TPCN2: variants seen among roughly 807,000 people sequenced by gnomAD.
TPCN2 encodes two pore segment channel 2, also known as two pore channel protein 2.
In TPCN2, 92 loss-of-function variants were observed where a neutral mutation model predicts 111.4. The observed-to-expected ratio is 0.83, with a 90% CI of 0.70 to 0.98. The LOEUF (loss-of-function observed/expected upper bound fraction) is 0.98, where lower values mean the gene tolerates loss of function less well. TPCN2 is among the 50% of genes least tolerant of loss of function. The pLI is 0.00. For synonymous variants in TPCN2, 405 were observed against 414.5 expected, an observed-to-expected ratio of 0.98 and a Z score of 0.28; for missense variants, 995 against 980.1, an observed-to-expected ratio of 1.02 and a Z score of -0.20.
chr11:69,088,070 T>A lies in TPCN2; in HGVS notation c.*117T>A. The A allele has an allele frequency of 1.2e-6, 1 of 837,902 alleles. No individual in the cohort carries two copies. Among genetic ancestry groups the A allele is most frequent in the Non-Finnish European group, 1.8e-6 (1 of 546,718 alleles). The allele number at this position is 837,902 out of a possible 1,614,324, so 51.9% of individuals were successfully genotyped here. A position where few individuals can be genotyped will look rare whatever the true frequency, so the allele number is the denominator to read the frequency against. On this transcript the variant is annotated 3_prime_UTR_variant, in exon 25 of 25. Transcript: ENST00000294309. ...GCCAGGCAGGAAGAGACCTTTCCTCTGACGGACCACTAAGCTGGGGACAGG... is the reference window on the plus strand; with the variant it reads ...GCCAGGCAGGAAGAGACCTTTCCTCAGACGGACCACTAAGCTGGGGACAGG...
chr11:69,070,558 A>G, intron 9 of TPCN2, 63 bp downstream of exon 9: 4 of 1,296,206 alleles, frequency 3.1e-6, no homozygotes, highest in Non-Finnish European at 4.3e-6. Context: ...GGACCGATAC[A>G]CCCTGCTGCC....
intron 18 of TPCN2, among the ~76,000 whole-genome samples, chr11:69,082,213 G>A (rs758771924): frequency 2.6e-5 from 4 of 152,136 alleles, no homozygotes; most frequent in Admixed American, 6.5e-5. Context: ...ACACACACGC[G>A]CACACGTGTT....
At position 69,048,950 on chromosome 11, in the gene TPCN2, T is replaced by C. The variant is rs1861086307; in HGVS notation, c.-48T>C. 4 of 1,191,986 alleles carry C rather than the reference T, an allele frequency of 3.4e-6. No individual in the cohort carries two copies. Among genetic ancestry groups the C allele is most frequent in the Non-Finnish European group, 4.2e-6 (4 of 948,798 alleles). The allele number at this position is 1,191,986 out of a possible 1,614,324, so 73.8% of individuals were successfully genotyped here. A position where few individuals can be genotyped will look rare whatever the true frequency, so the allele number is the denominator to read the frequency against. On this transcript the variant is annotated 5_prime_UTR_variant, in exon 1 of 25. Transcript: ENST00000294309. The stretch of plus-strand genomic sequence containing the variant: ...CGCCTGCGCAGTGAAGCTGGGCGCC[T>C]TCGGGGCTTGAGCTTCTGAGGGTCG...
chr11:69,075,335 C>G (rs1306924775), intron 13 of TPCN2, among the ~76,000 whole-genome samples: 1 of 152,196 alleles, frequency 6.6e-6, no homozygotes, highest in African/African-American at 2.4e-5. Flanking sequence ...GTTTAAGTCT[C>G]TTAAGATGAT....
chr11:69,071,397 A>G lies in TPCN2; in HGVS notation c.937A>G (p.Ser313Gly). 6.2e-7 allele frequency: 1 copy of G among 1,613,846 alleles called. No individual in the cohort carries two copies. The highest frequency in any genetic ancestry group is 8.5e-7 in the Non-Finnish European group (1 of 1,179,916). The part of the protein sequence containing the change: ...LMNLLTAIIY[S>G]QFRGYLMKSL... ...GAACCTGCTGACAGCCATCATCTAC[A>G]GTCAGTTCCGGGGCTACCTGATGGT... The change falls in exon 10 of 25, where the codon AGT (serine) becomes GGT (glycine). Residue 313 changes from serine (S) to glycine (G), a missense_variant. Ser to Gly is a moderately conservative substitution (Grantham distance 56). Transcript: ENST00000294309.
chr11:69,074,809 G>T (rs1855684274), intron 13 of TPCN2, among the ~76,000 whole-genome samples: 2 of 152,224 alleles, frequency 1.3e-5, no homozygotes, highest in Non-Finnish European at 2.9e-5. Context: ...GTTCTGGAAA[G>T]GTGGTTTTTG....
intron 21 of TPCN2, 30 bp downstream of exon 21, chr11:69,085,782 G>T (rs1421549559): frequency 6.3e-7 from 1 of 1,593,322 alleles, no homozygotes; most frequent in Non-Finnish European, 8.6e-7. Flanking sequence ...CCAGCACCCT[G>T]CTCCCCGGGC....
intron 2 of TPCN2, chr11:69,054,513 G>T: frequency 1.7e-6 from 1 of 592,950 alleles, no homozygotes; most frequent in South Asian, 2.0e-5. Flanking sequence ...CCGGGTGTGT[G>T]GCCTGTGAGG....
At chr11:69,080,470 A>T (rs764837702) in intron 17 of TPCN2, among the ~76,000 whole-genome samples, 3 of 152,188 alleles carry the variant, frequency 2.0e-5, no homozygotes, top group Admixed American at 6.5e-5. Context: ...GCCTCGTGGC[A>T]CCACAGGGCT....
At chr11:69,065,457 G>C (rs774303676) in intron 7 of TPCN2, among the ~76,000 whole-genome samples, 1 of 152,194 alleles carries the variant, frequency 6.6e-6, no homozygotes, top group Non-Finnish European at 1.5e-5. Context: ...AGGGGACCTA[G>C]GGGAGCAAGG....
intron 13 of TPCN2, among the ~76,000 whole-genome samples, chr11:69,077,762 G>A (rs562791143): frequency 6.6e-6 from 1 of 152,326 alleles, no homozygotes; most frequent in South Asian, 2.1e-4. Context: ...TGGACTTTCT[G>A]GGGGGATGAG....
rs1221128389 is a variant in TPCN2, at chr11:69,078,612, A to T, written c.1350+11A>T. On this transcript the variant is annotated intron_variant, in intron 14 of 24. Transcript: ENST00000294309. ...CTGGTGTCCATTTGCGTGAGTGTGGATTTGCCCCAGAGCTGGCACGGAAGT... is the reference window on the plus strand; with the variant it reads ...CTGGTGTCCATTTGCGTGAGTGTGGTTTTGCCCCAGAGCTGGCACGGAAGT... The T allele has an allele frequency of 4.3e-6, 7 of 1,613,746 alleles. No homozygotes were observed. The highest frequency in any genetic ancestry group is 4.0e-5 in the African/African-American group (3 of 74,918).
intron 5 of TPCN2, among the ~76,000 whole-genome samples, chr11:69,062,475 G>T (rs572986121): frequency 1.3e-5 from 2 of 152,180 alleles, no homozygotes; most frequent in East Asian, 1.9e-4. Flanking sequence ...GCGGGTTGAG[G>T]GGTGAGGAGG....
At chr11:69,052,308 G>C (rs889499356) in intron 1 of TPCN2, among the ~76,000 whole-genome samples, 4 of 150,476 alleles carry the variant, frequency 2.7e-5, no homozygotes, top group African/African-American at 7.5e-5. Flanking sequence ...CAGATCACCG[G>C]CCCCCCAGGC....
rs1175102206 is a variant in TPCN2 at position 69,084,022 on chromosome 11, TCCCAGGC to T, written c.1761+7_1761+13del. On this transcript the variant is annotated splice_region_variant and intron_variant, in intron 19 of 24. Coordinates refer to ENST00000294309, the MANE Select transcript of TPCN2 (RefSeq NM_139075.4). ...CGTTTGGCGGGATCCTGGTGGTGAGTCCCAGGCTGCTGCTGGTGGCGGGTTATGCACT... is the reference window on the plus strand; with the variant it reads ...CGTTTGGCGGGATCCTGGTGGTGAGTTGCTGCTGGTGGCGGGTTATGCACT... 1 of 1,613,738 alleles carries T rather than the reference TCCCAGGC, an allele frequency of 6.2e-7. No individual in the cohort carries two copies. Among genetic ancestry groups the T allele is most frequent in the African/African-American group, 1.3e-5 (1 of 74,966 alleles).
At chr11:69,053,997 C>T (rs184141794) in intron 1 of TPCN2, 36 bp from the exon 2 acceptor site, 1 of 1,590,674 alleles carries the variant, frequency 6.3e-7, no homozygotes, top group Non-Finnish European at 8.6e-7. Context: ...CCATGTCATC[C>T]TGCTCGGTCA....
In TPCN2 at chr11:69,084,004, C is replaced by A; in HGVS notation, c.1749C>A (p.Gly583=). 1.2e-6 allele frequency: 2 copies of A among 1,614,022 alleles called. No homozygotes were observed. Among genetic ancestry groups the A allele is most frequent in the Non-Finnish European group, 1.7e-6 (2 of 1,179,964 alleles). Residue 583 remains glycine, a synonymous_variant, in exon 19 of 25, where the codon GGC becomes GGA. Transcript: ENST00000294309. ...TGGTGCAGAACATGCGTGCGTTTGG[C>A]GGGATCCTGGTGGTGAGTCCCAGGC... is the stretch of plus-strand genomic sequence containing the variant. ...LGLVQNMRAF[G]GILVVVYYVF... is the part of the protein sequence containing the mutation.
chr11:69,050,527 G>C (rs1861176537), intron 1 of TPCN2, among the ~76,000 whole-genome samples: 1 of 152,152 alleles, frequency 6.6e-6, no homozygotes, highest in Non-Finnish European at 1.5e-5. Context: ...GCAGGCGCCC[G>C]CCACCACACT....
In TPCN2 at chr11:69,079,037, C is replaced by T. The variant is rs374991902; in HGVS notation, c.1539+17C>T. 37 of 1,597,428 alleles carry T rather than the reference C, an allele frequency of 2.3e-5. No homozygotes were observed. Among genetic ancestry groups the T allele is most frequent in the South Asian group, 5.7e-5 (5 of 88,248 alleles). On this transcript the variant is annotated intron_variant, in intron 16 of 24. Transcript: ENST00000294309. ...GTCCTGCTGGTAAAGTAGGCGCATCCGAGGCCGGCCTCTACTGGGCGGGTG... is the reference window on the plus strand; with the variant it reads ...GTCCTGCTGGTAAAGTAGGCGCATCTGAGGCCGGCCTCTACTGGGCGGGTG...
Sources: gnomAD v4.1 joint callset for allele counts (sites outside exome capture counted in the v4.1 genomes callset) on GRCh38, gnomAD v4.1.1 for gene constraint, MANE v1.5 for transcripts, NCBI Gene and HGNC (gene_info 2026-07-23, HGNC 2026-07-21) for gene names.